The following EIF4G3 variants were observed in gnomAD, a reference collection of about 807,000 sequenced individuals.
The protein encoded by EIF4G3 is eukaryotic translation initiation factor 4 gamma 3.
Under a neutral mutation model 186.4 loss-of-function variants are expected in EIF4G3, and 34 were observed. The ratio of observed to expected loss-of-function variants is 0.18; its 90% confidence interval spans 0.14 to 0.24. EIF4G3 has a LOEUF of 0.24. EIF4G3 is among the 10% of genes least tolerant of loss of function. EIF4G3 has a pLI of 1.00. For synonymous variants in EIF4G3, 673 were observed against 679.5 expected (o/e 0.99, Z 0.15); for missense variants, 1,536 against 1,948.5 (o/e 0.79, Z 3.99).
At chr1:20,817,277 T>TAAA (rs376814165) in intron 34 of EIF4G3, 115 bp downstream of exon 34, 9 of 258,648 alleles carry the variant, frequency 3.5e-5, no homozygotes, top group East Asian at 1.2e-4. Flanking sequence ...AATAAATAAA[T>TAAA]AAAAAAAAAT....
chr1:21,041,714 T>C (rs972099173), intron 4 of EIF4G3, among the ~76,000 whole-genome samples: 18 of 152,304 alleles, frequency 1.2e-4, no homozygotes, highest in African/African-American at 3.8e-4. Context: ...GTTTCTGCAA[T>C]ATGTCACCTA....
intron 2 of EIF4G3, among the ~76,000 whole-genome samples, chr1:21,125,803 CACTCT>C (rs948142958): frequency 6.5e-4 from 84 of 129,732 alleles, no homozygotes; most frequent in South Asian, 2.6e-3. Flanking sequence ...CACACACACA[CACTCT>C]TATTAGGCAC....
intron 2 of EIF4G3, among the ~76,000 whole-genome samples, chr1:21,145,085 C>A (rs1411749892): frequency 1.3e-5 from 2 of 151,900 alleles, no homozygotes; most frequent in Non-Finnish European, 2.9e-5. Flanking sequence ...AAGAGACCAG[C>A]CTGGGCAACA....
chr1:20,818,192 T>C (rs1571024338), intron 33 of EIF4G3, among the ~76,000 whole-genome samples: 1 of 152,118 alleles, frequency 6.6e-6, no homozygotes, highest in Non-Finnish European at 1.5e-5. Flanking sequence ...ACAATTTCAC[T>C]CTCTTTCTGC....
rs558601607 is a variant in EIF4G3, at chr1:21,133,550, G to C, written c.-272+42625C>G. On this transcript the variant is annotated intron_variant, in intron 2 of 36. Transcript: ENST00000602326. ...TAAGCCTTCTTTCTTAATGACTGTT[G>C]TCTATGCTATTGGTTTGGAGTCCCA... is the stretch of plus-strand genomic sequence containing the variant. Among the ~76,000 whole-genome samples the C allele has an allele frequency of 2.0e-5, 3 of 152,204 alleles. No individual in the cohort carries two copies. In the East Asian group the frequency reaches 5.8e-4, roughly 29 times the overall value.
At chr1:20,814,153 G>C (rs1376169127) in intron 34 of EIF4G3, among the ~76,000 whole-genome samples, 1 of 151,722 alleles carries the variant, frequency 6.6e-6, no homozygotes, top group Non-Finnish European at 1.5e-5. Flanking sequence ...ACTTTTAGTA[G>C]AGATGGGGTT....
chr1:21,027,037 C>A (rs557804692), intron 4 of EIF4G3, among the ~76,000 whole-genome samples: 6 of 151,188 alleles, frequency 4.0e-5, no homozygotes, highest in Admixed American at 3.3e-4. Context: ...GCAAAGGACA[C>A]GAATAGACAT....
intron 4 of EIF4G3, among the ~76,000 whole-genome samples, chr1:21,010,334 C>T (rs552681119): frequency 7.2e-4 from 107 of 148,064 alleles, no homozygotes; most frequent in African/African-American, 2.5e-3. Context: ...GCAGAAGAAT[C>T]AGTTGAACCC....
At chr1:21,026,558 A>T (rs576429970) in intron 4 of EIF4G3, among the ~76,000 whole-genome samples, 3 of 152,092 alleles carry the variant, frequency 2.0e-5, no homozygotes, top group Non-Finnish European at 2.9e-5. Flanking sequence ...CATATTAACA[A>T]TTTAAAATTT....
intron 12 of EIF4G3, among the ~76,000 whole-genome samples, chr1:20,963,931 CAAA>C (rs35997561): frequency 2.4e-5 from 3 of 122,672 alleles, no homozygotes; most frequent in Admixed American, 8.4e-5. Flanking sequence ...GACTCCATCT[CAAA>C]AAAAAAAAAA....
At chr1:20,931,888 G>A (rs2095327693) in intron 14 of EIF4G3, among the ~76,000 whole-genome samples, 1 of 151,214 alleles carries the variant, frequency 6.6e-6, no homozygotes, top group South Asian at 2.1e-4. Flanking sequence ...TGGTGCCACT[G>A]CACTCCAGGC....
intron 3 of EIF4G3, among the ~76,000 whole-genome samples, chr1:21,053,897 C>T (rs1366105021): frequency 1.3e-5 from 2 of 151,158 alleles, no homozygotes; most frequent in Middle Eastern, 3.2e-3. Context: ...AGGTGAGGGG[C>T]GCCTCTGCCC....
intron 2 of EIF4G3, among the ~76,000 whole-genome samples, chr1:21,142,671 C>T (rs2097360784): frequency 6.6e-6 from 1 of 152,132 alleles, no homozygotes; most frequent in Non-Finnish European, 1.5e-5. Flanking sequence ...ATTTCCACAA[C>T]CTTTTTACCC....
At chr1:20,955,482 G>A (rs779950986) in intron 12 of EIF4G3, among the ~76,000 whole-genome samples, 8 of 151,858 alleles carry the variant, frequency 5.3e-5, no homozygotes, top group African/African-American at 1.7e-4. Context: ...TAATCCTCCC[G>A]CCTCAGCCTC....
chr1:21,121,215 C>T (rs1009572351), intron 2 of EIF4G3, among the ~76,000 whole-genome samples: 1 of 152,132 alleles, frequency 6.6e-6, no homozygotes, highest in Admixed American at 6.6e-5. Context: ...TTCTTAACAA[C>T]CCTGGCACCT....
At chr1:21,152,061 T>C (rs1363254274) in intron 2 of EIF4G3, among the ~76,000 whole-genome samples, 14 of 152,078 alleles carry the variant, frequency 9.2e-5, no homozygotes. Flanking sequence ...GACTGGAGAA[T>C]GGAGGGATTA....
chr1:20,810,617 G>T lies in EIF4G3; in HGVS notation c.4744+121C>A. ...TCAAATTTATTAAAGTTAGTTATATGAGTTTGTGTTATTAGTGATTCTTTT... is the reference window on the plus strand; with the variant it reads ...TCAAATTTATTAAAGTTAGTTATATTAGTTTGTGTTATTAGTGATTCTTTT... On this transcript the variant is annotated intron_variant, in intron 36 of 36. Transcript: ENST00000602326. The surrounding 1 kb of genome is among the most constrained non-coding windows in gnomAD (Gnocchi z 4.1). 1 of 1,180,304 alleles carries T rather than the reference G, an allele frequency of 8.5e-7. No individual in the cohort carries two copies. Among genetic ancestry groups the T allele is most frequent in the East Asian group, 2.4e-5 (1 of 41,828 alleles). The allele number at this position is 1,180,304 out of a possible 1,614,324, so 73.1% of individuals were successfully genotyped here.
chr1:21,145,076 A>G (rs1217224291), intron 2 of EIF4G3, among the ~76,000 whole-genome samples: 1 of 152,070 alleles, frequency 6.6e-6, no homozygotes, highest in Non-Finnish European at 1.5e-5. Context: ...CCAGGAGTTA[A>G]GAGACCAGCC....
intron 4 of EIF4G3, among the ~76,000 whole-genome samples, chr1:21,050,193 A>G (rs2094130404): frequency 6.6e-6 from 1 of 152,232 alleles, no homozygotes; most frequent in African/African-American, 2.4e-5. Context: ...AACTCTAGCC[A>G]ACTTTTAACC....
Sources: allele counts gnomAD v4.1 joint callset (sites outside exome capture counted in the v4.1 genomes callset), GRCh38; gene constraint gnomAD v4.1.1; non-coding constraint Gnocchi (gnomAD v3.1); transcripts MANE v1.5; gene names NCBI Gene and HGNC (gene_info 2026-07-23, HGNC 2026-07-21).